The following PCDHA5 variants were observed in gnomAD, a reference collection of about 807,000 sequenced individuals.
The protein encoded by PCDHA5 is protocadherin alpha 5.
PCDHA5 carries 43 observed loss-of-function variants against 61.6 expected under a neutral mutation model. The observed-to-expected ratio is 0.70, with a 90% confidence interval of 0.55 to 0.90. The LOEUF (loss-of-function observed/expected upper bound fraction) is 0.90. Among genes scored for constraint, PCDHA5 ranks in the 40% least tolerant of loss-of-function variants. The pLI is 0.00. For synonymous variants in PCDHA5, 627 were observed against 543.9 expected, an observed-to-expected ratio of 1.15 and a Z score of -2.13; for missense variants, 1,298 against 1,222.7, an observed-to-expected ratio of 1.06 and a Z score of -0.92.
At chr5:140,948,773 G>A (rs991446033) in intron 1 of PCDHA5, among the ~76,000 whole-genome samples, 12 of 151,352 alleles carry the variant, frequency 7.9e-5, no homozygotes, top group Non-Finnish European at 1.6e-4. Context: ...CGAATAGCCA[G>A]CTTTTGGCTT....
chr5:140,981,917 A>G (rs1465971302), intron 2 of PCDHA5, among the ~76,000 whole-genome samples: 1 of 152,218 alleles, frequency 6.6e-6, no homozygotes, highest in Non-Finnish European at 1.5e-5. Flanking sequence ...GTGGTGATCA[A>G]GTTTCTCTAG....
chr5:140,874,093 TG>T, intron 1 of PCDHA5, among the ~76,000 whole-genome samples: 2 of 152,364 alleles, frequency 1.3e-5, no homozygotes, highest in Middle Eastern at 6.8e-3. Context: ...AATTCAAATA[TG>T]TTTTTAATTA....
At chr5:140,876,814 G>T (rs571648883) in intron 1 of PCDHA5, 1 of 1,614,226 alleles carries the variant, frequency 6.2e-7, no homozygotes, top group Non-Finnish European at 8.5e-7. Context: ...GGTGGCCGAC[G>T]TGAACGACAA....
chr5:140,882,566 G>A, intron 1 of PCDHA5: 1 of 1,614,252 alleles, frequency 6.2e-7, no homozygotes, highest in Non-Finnish European at 8.5e-7. Context: ...TGGGCGGAGC[G>A]CGGAGTGCAG....
intron 1 of PCDHA5, among the ~76,000 whole-genome samples, chr5:140,943,562 T>G (rs246066): frequency 0.58 from 88,255 of 152,018 alleles, 26,572 homozygotes; most frequent in African/African-American, 0.75. Flanking sequence ...ACAATAATCA[T>G]TTTAATTTGT....
intron 1 of PCDHA5, among the ~76,000 whole-genome samples, chr5:140,934,942 A>G (rs146210062): frequency 2.5e-3 from 376 of 152,312 alleles, no homozygotes; most frequent in African/African-American, 8.6e-3. Flanking sequence ...AAACTAGTAT[A>G]GAGAGATCCC....
intron 1 of PCDHA5, chr5:140,854,088 G>A (rs1262177028): frequency 3.8e-6 from 1 of 266,394 alleles, no homozygotes; most frequent in African/African-American, 2.4e-5. Context: ...CTTGAGCCTG[G>A]GACATTGAGG....
chr5:140,927,530 G>A (rs2084329100), intron 1 of PCDHA5: 2 of 1,614,080 alleles, frequency 1.2e-6, no homozygotes, highest in Non-Finnish European at 1.7e-6. Flanking sequence ...CTACCTGCCC[G>A]CTCAGGAGAC....
At chr5:140,980,284 T>C (rs1226756896) in intron 2 of PCDHA5, among the ~76,000 whole-genome samples, 6 of 152,182 alleles carry the variant, frequency 3.9e-5, no homozygotes, top group African/African-American at 1.4e-4. Flanking sequence ...TCTTGAAAAG[T>C]ACCAAAGCTA....
At chr5:140,953,035 C>A (rs2094836412) in intron 1 of PCDHA5, among the ~76,000 whole-genome samples, 1 of 152,116 alleles carries the variant, frequency 6.6e-6, no homozygotes, top group Admixed American at 6.5e-5. Flanking sequence ...GGAAATCCAC[C>A]CCCATGATCC....
At chr5:140,909,872 G>A (rs1245615872) in intron 1 of PCDHA5, among the ~76,000 whole-genome samples, 2 of 152,182 alleles carry the variant, frequency 1.3e-5, no homozygotes, top group African/African-American at 4.8e-5. Flanking sequence ...GTCAACGTCA[G>A]CTTAGAGACA....
chr5:140,850,957 C>T (rs2150503952), intron 1 of PCDHA5: 2 of 1,481,512 alleles, frequency 1.3e-6, no homozygotes, highest in Non-Finnish European at 9.0e-7. Context: ...CGATTACTCC[C>T]AGGGGCCGTT....
Position 140,821,799 on chromosome 5 carries a change from T to C in PCDHA5, c.24T>C (p.Ser8=), listed in dbSNP as rs2150110724. 28 of 1,612,984 alleles carry C rather than the reference T, an allele frequency of 1.7e-5. No individual in the cohort carries two copies. The highest frequency in any genetic ancestry group is 2.4e-5 in the Non-Finnish European group (28 of 1,179,464). MVYSRRG[S]LGSRLLLLWL... ...AGATGGTATATTCCCGGAGAGGAAG[T>C]CTGGGATCCCGGCTCCTGCTGCTCT... Residue 8 remains serine, a synonymous_variant, in exon 1 of 4, where the codon AGT becomes AGC. Transcript: ENST00000529859.
At chr5:140,863,278 G>A (rs1554158055) in intron 1 of PCDHA5, 3 of 1,461,976 alleles carry the variant, frequency 2.1e-6, no homozygotes, top group South Asian at 1.1e-5. Flanking sequence ...GCTGGTGGAT[G>A]TCAACGTGTA....
rs2150130630 is a variant in PCDHA5, at chr5:140,823,943, C to T, written c.2168C>T (p.Ser723Leu). Residue 723 changes from serine (S) to leucine (L), a missense_variant, in exon 1 of 4, where the codon TCG (serine) becomes TTG (leucine). By Grantham distance (145) the Ser-to-Leu change is moderately radical (BLOSUM62 -2). Coordinates refer to ENST00000529859, the MANE Select transcript of PCDHA5 (RefSeq NM_018908.3). ...TLLLYTALRC[S>L]AQPTEAVCTR... ...CTGCTGTACACCGCGCTGCGGTGCT[C>T]GGCGCAGCCCACCGAGGCCGTGTGC... 6.8e-6 allele frequency: 11 copies of T among 1,613,800 alleles called. No individual in the cohort carries two copies. In the African/African-American group the frequency reaches 8.0e-5, roughly 12 times the overall value.
At chr5:140,905,986 T>G (rs2072268646) in intron 1 of PCDHA5, among the ~76,000 whole-genome samples, 1 of 152,198 alleles carries the variant, frequency 6.6e-6, no homozygotes, top group Non-Finnish European at 1.5e-5. Flanking sequence ...GGGAGAAAGA[T>G]GTAGGCTGGG....
At chr5:140,881,048 C>T (rs1409752539) in intron 1 of PCDHA5, among the ~76,000 whole-genome samples, 1 of 152,142 alleles carries the variant, frequency 6.6e-6, no homozygotes, top group Non-Finnish European at 1.5e-5. Context: ...TAGAGTTGTG[C>T]ACAGAACAGG....
chr5:140,835,910 A>T (rs2150248144), intron 1 of PCDHA5: 1 of 1,612,256 alleles, frequency 6.2e-7, no homozygotes, highest in Non-Finnish European at 8.5e-7. Flanking sequence ...GCTACGTGTC[A>T]GTGCACGCGG....
intron 1 of PCDHA5, chr5:140,883,731 C>T (rs1287936712): frequency 6.2e-7 from 1 of 1,613,446 alleles, no homozygotes; most frequent in East Asian, 2.2e-5. Flanking sequence ...CAGGAGAACG[C>T]GCTGGTCTCC....
Sources: gnomAD v4.1 joint callset for allele counts (sites outside exome capture counted in the v4.1 genomes callset) on GRCh38, gnomAD v4.1.1 for gene constraint, MANE v1.5 for transcripts, NCBI Gene and HGNC (gene_info 2026-07-23, HGNC 2026-07-21) for gene names.